The following HHLA2 variants were observed in gnomAD, a reference collection of about 807,000 sequenced individuals.
HHLA2 encodes the protein HHLA2 member of B7 family.
In HHLA2, 48 loss-of-function variants were observed where a neutral mutation model predicts 45.9. That is an observed-to-expected ratio of 1.05 (90% CI 0.83 to 1.33). The LOEUF (loss-of-function observed/expected upper bound fraction) is 1.33. HHLA2 is among the 40% of genes most tolerant of loss of function. The pLI is 0.00. For synonymous variants in HHLA2, 161 were observed against 173.9 expected (o/e 0.93, Z 0.59); for missense variants, 462 against 494.3 (o/e 0.93, Z 0.62).
At chr3:108,375,850 A>T in intron 9 of HHLA2, 50 bp downstream of exon 8, 2 of 1,596,896 alleles carry the variant, frequency 1.3e-6, no homozygotes, top group Admixed American at 1.7e-5. Context: ...CTGGAGGAGC[A>T]GTCAAAAGAT....
intron 2 of HHLA2, among the ~76,000 whole-genome samples, chr3:108,323,732 T>C (rs1386206952): frequency 6.6e-6 from 1 of 152,210 alleles, no homozygotes; most frequent in Non-Finnish European, 1.5e-5. Flanking sequence ...GATTCTCACA[T>C]TTAGCCATTT....
chr3:108,351,934 G>T, intron 4 of HHLA2, 57 bp downstream of exon 3: 1 of 1,184,262 alleles, frequency 8.4e-7, no homozygotes, highest in Non-Finnish European at 1.3e-6. Context: ...AGAAACATGA[G>T]CACACAATGC....
chr3:108,347,956 G>A (rs923979496), intron 3 of HHLA2, among the ~76,000 whole-genome samples: 5 of 152,052 alleles, frequency 3.3e-5, no homozygotes, highest in Admixed American at 1.3e-4. Flanking sequence ...GTGGGTCATA[G>A]AGAAATGGAA....
intron 1 of HHLA2, among the ~76,000 whole-genome samples, chr3:108,307,970 T>A (rs1167621359): frequency 2.0e-5 from 3 of 152,306 alleles, no homozygotes; most frequent in East Asian, 3.9e-4. Context: ...TCATGGAGAA[T>A]GGGGTATCCA....
intron 2 of HHLA2, chr3:108,326,143 AT>A: frequency 4.1e-6 from 1 of 241,530 alleles, no homozygotes; most frequent in South Asian, 6.3e-5. Flanking sequence ...TCTTTTTCAC[AT>A]TTAAGTGGTT....
intron 2 of HHLA2, among the ~76,000 whole-genome samples, chr3:108,327,410 A>G (rs894818984): frequency 1.3e-5 from 2 of 152,192 alleles, no homozygotes; most frequent in African/African-American, 4.8e-5. Context: ...TAATTCCTAC[A>G]CATTCTCCTT....
intron 8 of HHLA2, among the ~76,000 whole-genome samples, chr3:108,367,187 A>T (rs1300188785): frequency 6.6e-6 from 1 of 152,196 alleles, no homozygotes; most frequent in Admixed American, 6.5e-5. Context: ...CCCCATACAA[A>T]ACCACATCCA....
chr3:108,362,983 T>G (rs1338282584), intron 8 of HHLA2, among the ~76,000 whole-genome samples: 1 of 152,206 alleles, frequency 6.6e-6, no homozygotes. Context: ...GCTCTGAGTT[T>G]AGTCAAGGTT....
At chr3:108,324,661 G>A (rs2081258723) in intron 2 of HHLA2, among the ~76,000 whole-genome samples, 6 of 152,176 alleles carry the variant, frequency 3.9e-5, no homozygotes, top group Admixed American at 3.9e-4. Flanking sequence ...ATACCTAGGT[G>A]TACATCCTTA....
exon 6 of HHLA2, chr3:108,355,279 A>G (rs563236967): frequency 6.8e-6 from 11 of 1,613,884 alleles, no homozygotes; most frequent in Middle Eastern, 1.6e-4. Context: ...TTCTTTTTCT[A>G]TTAACAGCCC....
intron 2 of HHLA2, among the ~76,000 whole-genome samples, chr3:108,321,252 CCTCTT>C (rs1323431830): frequency 1.3e-5 from 2 of 152,226 alleles, no homozygotes; most frequent in East Asian, 3.9e-4. Context: ...TCCCTTGACT[CCTCTT>C]CTATTTTGAA....
At chr3:108,306,316 T>C (rs751159322) in intron 1 of HHLA2, among the ~76,000 whole-genome samples, 9 of 152,242 alleles carry the variant, frequency 5.9e-5, no homozygotes, top group Non-Finnish European at 1.2e-4. Context: ...TAATACATTA[T>C]CTGTTTTAAT....
intron 2 of HHLA2, chr3:108,326,147 A>T (rs188128474): frequency 9.9e-5 from 24 of 242,468 alleles, no homozygotes; most frequent in Admixed American, 6.9e-4. Flanking sequence ...TTTCACATTT[A>T]AGTGGTTACC....
intron 3 of HHLA2, among the ~76,000 whole-genome samples, chr3:108,336,069 A>G (rs1274849058): frequency 6.6e-6 from 1 of 152,060 alleles, no homozygotes; most frequent in Non-Finnish European, 1.5e-5. Context: ...AACTTTCCAA[A>G]TGCTTCATAC....
chr3:108,359,540 T>C lies in HHLA2; in HGVS notation c.1003+1379T>C, dbSNP rs572402787. Among the ~76,000 whole-genome samples the C allele has an allele frequency of 3.9e-5, 6 of 152,328 alleles. No homozygotes were observed. In the South Asian group the frequency reaches 1.2e-3, roughly 32 times the overall value. Reference sequence around the variant, plus strand: ...GGGGGTACTTATGATTCCTCGAATCTAGATCTGCTCAATTAAGGTTGCACC... The same window carrying C: ...GGGGGTACTTATGATTCCTCGAATCCAGATCTGCTCAATTAAGGTTGCACC... On this transcript the variant is annotated intron_variant, in intron 7 of 10. Transcript: ENST00000619531.
chr3:108,370,738 T>TGACA (rs1359579299), intron 8 of HHLA2, among the ~76,000 whole-genome samples: 4 of 152,010 alleles, frequency 2.6e-5, no homozygotes, highest in African/African-American at 9.7e-5. Context: ...TGATGGAAGA[T>TGACA]GACATGAATG....
chr3:108,309,503 G>A lies in HHLA2; in HGVS notation c.-191-1152G>A, dbSNP rs2080982982. Among the ~76,000 whole-genome samples the A allele has an allele frequency of 2.0e-5, 3 of 152,140 alleles. No homozygotes were observed. The South Asian group carries it at 6.2e-4, about 32-fold the overall frequency. ...CTCTGGTAGCAGTTAGGTCTTCTTA[G>A]TCTTCTCCAAACTTCAAGTTTCTCC... On this transcript the variant is annotated intron_variant, in intron 1 of 10. Coordinates refer to ENST00000619531, the Ensembl canonical transcript of HHLA2.
intron 1 of HHLA2, among the ~76,000 whole-genome samples, chr3:108,298,198 C>T (rs1413379294): frequency 1.3e-5 from 2 of 152,192 alleles, no homozygotes; most frequent in African/African-American, 2.4e-5. Context: ...GAAATTCCTT[C>T]CTCCTTATTC....
exon 7 of HHLA2, chr3:108,357,934 C>T (rs936472187): frequency 2.5e-6 from 4 of 1,613,872 alleles, no homozygotes; most frequent in Middle Eastern, 1.7e-4. Flanking sequence ...TTCAAAGTTA[C>T]TTGGTCCAGA....
Sources: allele counts gnomAD v4.1 joint callset (sites outside exome capture counted in the v4.1 genomes callset), GRCh38; gene constraint gnomAD v4.1.1; transcripts MANE v1.5; gene names NCBI Gene and HGNC (gene_info 2026-07-23, HGNC 2026-07-21).